Variants in STIMATE observed in about 807,000 individuals in gnomAD.
STIMATE encodes store-operated calcium entry regulator STIMATE.
In STIMATE, 15 loss-of-function variants were observed where a neutral mutation model predicts 36.7. The ratio of observed to expected loss-of-function variants is 0.41; its 90% CI spans 0.27 to 0.63. The LOEUF (loss-of-function observed/expected upper bound fraction) is 0.63. STIMATE is among the 20% of genes least tolerant of loss of function. The pLI is 0.32. For missense variants in STIMATE, 305 were observed against 397.3 expected (o/e 0.77, Z 1.98); for synonymous variants, 163 against 162.3 (o/e 1.00, Z -0.03).
intron 1 of STIMATE, among the ~76,000 whole-genome samples, chr3:52,878,750 C>G (rs1701551997): frequency 6.6e-6 from 1 of 152,168 alleles, no homozygotes. Context: ...GGTTATGAAG[C>G]TACATAAAGA....
In STIMATE at chr3:52,894,105, G is replaced by A. The variant is rs997755313; in HGVS notation, c.160+3186C>T. ...AGGAATTGCTTAAAACCACCAAAAC[G>A]AGGAATTGCTTGGCAAAGCCCCCTC... On this transcript the variant is annotated intron_variant, in intron 1 of 7. Coordinates refer to ENST00000355083, the MANE Select transcript of STIMATE (RefSeq NM_198563.5). Among the ~76,000 whole-genome samples the A allele has an allele frequency of 1.4e-4, 22 of 152,194 alleles. 1 individual carries two copies. The highest frequency in any genetic ancestry group is 5.3e-4 in the African/African-American group (22 of 41,440).
chr3:52,862,984 AG>A (rs1186733564), intron 1 of STIMATE, among the ~76,000 whole-genome samples: 9 of 152,194 alleles, frequency 5.9e-5, no homozygotes, highest in African/African-American at 1.9e-4. Context: ...AGAAGCTGAA[AG>A]AGGCAAAAAA....
chr3:52,854,267 A>G (rs1701054936), intron 2 of STIMATE, among the ~76,000 whole-genome samples: 1 of 152,146 alleles, frequency 6.6e-6, no homozygotes, highest in Non-Finnish European at 1.5e-5. Context: ...GCTCTAATGA[A>G]GGAAGTCTTA....
chr3:52,852,839 T>A, intron 2 of STIMATE, 141 bp from the exon 3 acceptor site: 1 of 993,550 alleles, frequency 1.0e-6, no homozygotes, highest in Non-Finnish European at 1.5e-6. Context: ...CCTTGAGCAC[T>A]AACTCAGGCT....
At position 52,897,307 on chromosome 3, in the gene STIMATE, G is replaced by A; in HGVS notation, c.144C>T (p.Ala48=). 6.4e-7 allele frequency: 1 copy of A among 1,555,050 alleles called. No individual in the cohort carries two copies. The highest frequency in any genetic ancestry group is 2.4e-5 in the East Asian group (1 of 42,020). ...CAGACTCACGCATTAACGTGCTGAA[G>A]GCCACGACGCCGAGCAGCCCCTGCA... ...IFLQGLLGVV[A]FSTLMLKRFR... Residue 48 remains alanine, a synonymous_variant, in exon 1 of 8, where the codon GCC becomes GCT. Transcript: ENST00000355083.
In STIMATE at chr3:52,859,531, AT is replaced by A. The variant is rs563622429; in HGVS notation, c.161-4088del. ...AAAAAAAAAAAAAAAAAAAAAAAAA[AT>A]TTTTTTTTTTTTTTTTTTTTTGCTG... On this transcript the variant is annotated intron_variant, in intron 1 of 7. Coordinates refer to ENST00000355083, the MANE Select transcript of STIMATE (RefSeq NM_198563.5). Among the ~76,000 whole-genome samples the A allele has an allele frequency of 3.7e-3, 69 of 18,824 alleles. 1 individual carries two copies. The highest frequency in any genetic ancestry group is 8.3e-3 in the African/African-American group (65 of 7,854). 12.3% of individuals were successfully genotyped at this position (18,824 alleles called of 152,430 possible).
At chr3:52,892,763 C>T (rs780802585) in intron 1 of STIMATE, among the ~76,000 whole-genome samples, 26 of 152,200 alleles carry the variant, frequency 1.7e-4, no homozygotes, top group Non-Finnish European at 3.4e-4. Context: ...GAGAGGTCTT[C>T]CATCCACCAT....
chr3:52,864,559 C>G (rs527977982), intron 1 of STIMATE, among the ~76,000 whole-genome samples: 4 of 152,198 alleles, frequency 2.6e-5, no homozygotes, highest in African/African-American at 9.7e-5. Context: ...GTTACTTATG[C>G]AAATTTCTGC....
At chr3:52,894,543 A>G (rs1701833346) in intron 1 of STIMATE, among the ~76,000 whole-genome samples, 1 of 152,224 alleles carries the variant, frequency 6.6e-6, no homozygotes, top group African/African-American at 2.4e-5. Context: ...AAACCTCTCC[A>G]GATTAAAAAC....
At chr3:52,857,888 A>G (rs1382308524) in intron 1 of STIMATE, among the ~76,000 whole-genome samples, 1 of 152,156 alleles carries the variant, frequency 6.6e-6, no homozygotes, top group Non-Finnish European at 1.5e-5. Flanking sequence ...TTTGGAGACC[A>G]GGCCTTTGAA....
intron 4 of STIMATE, among the ~76,000 whole-genome samples, chr3:52,849,188 C>T (rs938753434): frequency 3.3e-5 from 5 of 152,226 alleles, no homozygotes; most frequent in African/African-American, 1.2e-4. Context: ...GGAAGAGGAG[C>T]TTCTGTCTGC....
Position 52,849,907 on chromosome 3 carries a change from GAGGT to G in STIMATE, c.308_311del (p.Tyr103SerfsTer26). 6.2e-7 allele frequency: 1 copy of G among 1,613,624 alleles called. No homozygotes were observed. The highest frequency in any genetic ancestry group is 8.5e-7 in the Non-Finnish European group (1 of 1,179,852). ...CAGTGGCGTCCAGGAGGAAGTTGATGAGGTACCTGTGAGGACAGGGCACATGCAT... is the reference window on the plus strand; with the variant it reads ...CAGTGGCGTCCAGGAGGAAGTTGATGACCTGTGAGGACAGGGCACATGCAT... On this transcript the variant is annotated frameshift_variant and splice_region_variant, in exon 4 of 8. Transcript: ENST00000355083. LOFTEE classifies it high-confidence loss of function.
At position 52,886,504 on chromosome 3, in the gene STIMATE, C is replaced by T. The variant is rs188269065; in HGVS notation, c.160+10787G>A. On this transcript the variant is annotated intron_variant, in intron 1 of 7. Transcript: ENST00000355083. ...TATGAAAAGTAAATGAGTTGACATA[C>T]GTGAAGCACTTACAAGACTTGACAC... Among the ~76,000 whole-genome samples, 16 of 152,286 alleles carry T rather than the reference C, an allele frequency of 1.1e-4. No individual in the cohort carries two copies. The East Asian group carries it at 2.1e-3, about 20-fold the overall frequency.
chr3:52,885,657 G>C (rs1451241654), intron 1 of STIMATE, among the ~76,000 whole-genome samples: 1 of 152,214 alleles, frequency 6.6e-6, no homozygotes, highest in Non-Finnish European at 1.5e-5. Context: ...CTAAGCTAAG[G>C]TGGAGAGCTT....
intron 4 of STIMATE, chr3:52,848,540 G>A (rs1700945018): frequency 6.6e-6 from 1 of 152,272 alleles, no homozygotes; most frequent in Non-Finnish European, 1.5e-5. Context: ...AGAGCTGGGA[G>A]CCACACCTTC....
rs1204760383 is a variant in STIMATE, at chr3:52,855,438, C to G, written c.167G>C (p.Arg56Pro). 1 of 1,613,870 alleles carries G rather than the reference C, an allele frequency of 6.2e-7. No individual in the cohort carries two copies. The highest frequency in any genetic ancestry group is 8.5e-7 in the Non-Finnish European group (1 of 1,179,992). Residue 56 changes from arginine to proline, a missense_variant, in exon 2 of 8, where the codon CGC (arginine) becomes CCC (proline). Physicochemically the swap from Arg to Pro is moderately radical, Grantham distance 103. Transcript: ENST00000355083. ...TCTTTCATGCTTTGGTTCTCTGAAG[C>G]GTTTGACTGAAAGAAAAGACAGACA... is the stretch of plus-strand genomic sequence containing the variant. ...VVAFSTLMLK[R>P]FREPKHERRP...
rs189596809 is a variant in STIMATE, at chr3:52,841,106, G to C, written c.769-496C>G. Among the ~76,000 whole-genome samples, 1,123 of 152,294 alleles carry C rather than the reference G, an allele frequency of 7.4e-3. 120 individuals are homozygous for C. The South Asian group carries it at 0.21, about 28-fold the overall frequency. On this transcript the variant is annotated intron_variant, in intron 7 of 7. Coordinates refer to ENST00000355083, the MANE Select transcript of STIMATE (RefSeq NM_198563.5). The stretch of plus-strand genomic sequence containing the variant: ...CATGTTCACTCCAAGGACACTCATG[G>C]GCTACTGAAGCCAGCACTGAGTCGA...
chr3:52,885,261 A>AT (rs199730792), intron 1 of STIMATE, among the ~76,000 whole-genome samples: 12 of 150,890 alleles, frequency 8.0e-5, no homozygotes, highest in Non-Finnish European at 1.0e-4. Flanking sequence ...TTTAAATTGC[A>AT]TTTTTTTTTC....
At chr3:52,879,437 T>C (rs1342261380) in intron 1 of STIMATE, among the ~76,000 whole-genome samples, 2 of 152,176 alleles carry the variant, frequency 1.3e-5, no homozygotes, top group Non-Finnish European at 2.9e-5. Flanking sequence ...TCAGGAGCCT[T>C]GAGGTTCTTC....
Sources: allele counts gnomAD v4.1 joint callset (sites outside exome capture counted in the v4.1 genomes callset), GRCh38; gene constraint gnomAD v4.1.1; transcripts MANE v1.5; gene names NCBI Gene and HGNC (gene_info 2026-07-23, HGNC 2026-07-21).